Variants in PAX5 observed in about 807,000 individuals in gnomAD.
PAX5 encodes the protein paired box 5, also known as paired box protein Pax-5.
PAX5 carries 9 observed loss-of-function variants against 43.7 expected under a neutral mutation model. The ratio of observed to expected loss-of-function variants is 0.21; its 90% CI spans 0.12 to 0.36. The LOEUF (loss-of-function observed/expected upper bound fraction) is 0.36. PAX5 is among the 10% of genes least tolerant of loss of function. PAX5 has a pLI of 1.00. For missense variants in PAX5, 383 were observed against 532.7 expected (o/e 0.72, Z 2.77); for synonymous variants, 228 against 214.3 (o/e 1.06, Z -0.56).
At chr9:37,002,962 G>A in intron 4 of PAX5, 186 bp from the exon 5 acceptor site, 1 of 635,120 alleles carries the variant, frequency 1.6e-6, no homozygotes. Context: ...GGCGGGCCGT[G>A]TGCCCCAGTT....
intron 7 of PAX5, among the ~76,000 whole-genome samples, chr9:36,905,381 T>G (rs375313185): frequency 2.0e-5 from 3 of 152,234 alleles, no homozygotes; most frequent in African/African-American, 4.8e-5. Context: ...TAATTCCCAC[T>G]GGGCAGACGG....
intron 7 of PAX5, among the ~76,000 whole-genome samples, chr9:36,910,599 C>T (rs1829188772): frequency 6.6e-6 from 1 of 152,176 alleles, no homozygotes; most frequent in Non-Finnish European, 1.5e-5. Flanking sequence ...TTGGGCAGTG[C>T]CTGGTCTATG....
At chr9:36,861,826 C>T (rs1232686296) in intron 8 of PAX5, among the ~76,000 whole-genome samples, 3 of 151,946 alleles carry the variant, frequency 2.0e-5, no homozygotes, top group Non-Finnish European at 4.4e-5. Flanking sequence ...AGGGACGTGT[C>T]CTGACTCCAA....
chr9:36,986,091 G>C (rs1049776703), intron 5 of PAX5, among the ~76,000 whole-genome samples: 15 of 151,946 alleles, frequency 9.9e-5, no homozygotes, highest in Admixed American at 9.8e-4. Context: ...CCCGTCCGGC[G>C]CCCTCGCCCC....
intron 6 of PAX5, among the ~76,000 whole-genome samples, chr9:36,950,570 G>T (rs369627877): frequency 3.3e-5 from 5 of 152,040 alleles, no homozygotes; most frequent in Admixed American, 6.5e-5. Flanking sequence ...TAGGCAGCTC[G>T]CCTGCTTGGA....
rs10650417 is a variant in PAX5 at position 36,882,267 on chromosome 9, TACACACACAC to T, written c.911-172_911-163del. Among the ~76,000 whole-genome samples, 43 of 146,378 alleles carry T rather than the reference TACACACACAC, an allele frequency of 2.9e-4. No homozygotes were observed. Among genetic ancestry groups the T allele is most frequent in the Admixed American group, 3.4e-4 (5 of 14,646 alleles). On this transcript the variant is annotated intron_variant, in intron 7 of 9. Transcript: ENST00000358127. The surrounding 1 kb of genome is among the most constrained non-coding windows in gnomAD (Gnocchi z 4.4). The stretch of plus-strand genomic sequence containing the variant: ...GCTCACACGCTCTCACAAACACACA[TACACACACAC>T]ACACACACACACACACACTCATGCA...
At chr9:36,926,566 G>A (rs766778581) in intron 6 of PAX5, among the ~76,000 whole-genome samples, 1 of 152,164 alleles carries the variant, frequency 6.6e-6, no homozygotes, top group African/African-American at 2.4e-5. Context: ...AGAATGAATC[G>A]GGCATGAATT....
Position 36,882,112 on chromosome 9 carries a change from A to C in PAX5, c.911-7T>G. On this transcript the variant is annotated splice_polypyrimidine_tract_variant and splice_region_variant and intron_variant, in intron 7 of 9. Transcript: ENST00000358127. The surrounding 1 kb of genome is among the most constrained non-coding windows in gnomAD (Gnocchi z 4.4). ...GTGCTCGCCAAGTCACGGCCTGAGG[A>C]ATCAAAGCAACAAATCACAGGGTGA... 6.3e-7 allele frequency: 1 copy of C among 1,575,946 alleles called. No individual in the cohort carries two copies. Among genetic ancestry groups the C allele is most frequent in the Non-Finnish European group, 8.6e-7 (1 of 1,156,696 alleles).
chr9:36,936,473 C>T (rs1186340211), intron 6 of PAX5, among the ~76,000 whole-genome samples: 1 of 152,204 alleles, frequency 6.6e-6, no homozygotes, highest in African/African-American at 2.4e-5. Flanking sequence ...GCTCTTCCCA[C>T]TACATGGCTA....
At chr9:36,984,435 CTTTTTTT>C (rs10663927) in intron 5 of PAX5, among the ~76,000 whole-genome samples, 1 of 66,874 alleles carries the variant, frequency 1.5e-5, no homozygotes, top group South Asian at 7.1e-4. Context: ...TTGAACCTCT[CTTTTTTT>C]TTTTTTTTTT....
rs759191217 is a variant in PAX5, at chr9:36,923,397, C to T, written c.868G>A (p.Gly290Arg). 7 of 1,613,262 alleles carry T rather than the reference C, an allele frequency of 4.3e-6. No homozygotes were observed. Among genetic ancestry groups the T allele is most frequent in the African/African-American group, 2.7e-5 (2 of 74,926 alleles). Reference sequence around the variant, plus strand: ...GACTGCGGGCCTGGCACACTGCTCCCGATGTCAGCAGGGGTGGGGCTGGCC... The same window carrying T: ...GACTGCGGGCCTGGCACACTGCTCCTGATGTCAGCAGGGGTGGGGCTGGCC... ...NLASPTPADI[G>R]SSVPGPQSYP... Residue 290 changes from glycine to arginine, a missense_variant, in exon 7 of 10, where the codon GGG becomes AGG. Around this residue, in one of 5 missense-constraint regions of PAX5, gnomAD observed 291 missense variants for 342.5 expected, o/e 0.85. Transcript: ENST00000358127.
chr9:36,963,121 C>T (rs1409435291), intron 6 of PAX5, among the ~76,000 whole-genome samples: 1 of 152,266 alleles, frequency 6.6e-6, no homozygotes, highest in East Asian at 1.9e-4. Flanking sequence ...CGTCTCCTCA[C>T]CTTCCATCTC....
At position 36,862,975 on chromosome 9, in the gene PAX5, C is replaced by T. The variant is rs191794470; in HGVS notation, c.1013-16046G>A. Among the ~76,000 whole-genome samples, 209 of 152,284 alleles carry T rather than the reference C, an allele frequency of 1.4e-3. 1 individual carries two copies. Among genetic ancestry groups the T allele is most frequent in the Admixed American group, 0.011 (168 of 15,298 alleles). On this transcript the variant is annotated intron_variant, in intron 8 of 9. Transcript: ENST00000358127. ...AGGTTGTTCATTGCACCAGAGTCACCGGCTGACTGGACAAGTGGGGACTGA... is the reference window on the plus strand; with the variant it reads ...AGGTTGTTCATTGCACCAGAGTCACTGGCTGACTGGACAAGTGGGGACTGA...
At chr9:37,023,642 G>C (rs1466579714) in intron 1 of PAX5, among the ~76,000 whole-genome samples, 2 of 143,948 alleles carry the variant, frequency 1.4e-5, no homozygotes, top group African/African-American at 5.9e-5. Flanking sequence ...CTCAGGCCCT[G>C]ATAAGGTCAT....
intron 1 of PAX5, among the ~76,000 whole-genome samples, chr9:37,021,025 A>T (rs1341137150): frequency 6.6e-6 from 1 of 152,188 alleles, no homozygotes; most frequent in Non-Finnish European, 1.5e-5. Flanking sequence ...TGAGCTATTG[A>T]CAGCAAACAT....
At chr9:36,890,200 G>A (rs938517096) in intron 7 of PAX5, among the ~76,000 whole-genome samples, 1 of 152,016 alleles carries the variant, frequency 6.6e-6, no homozygotes, top group Non-Finnish European at 1.5e-5. Flanking sequence ...ACCTGACTGT[G>A]TGTGTGAGTG....
intron 1 of PAX5, among the ~76,000 whole-genome samples, chr9:37,033,735 T>G (rs1841239181): frequency 6.6e-6 from 1 of 152,234 alleles, no homozygotes; most frequent in South Asian, 2.1e-4. Context: ...GGCCCTAACT[T>G]GCAGACCCCC....
chr9:37,031,458 C>A (rs1840973607), intron 1 of PAX5, among the ~76,000 whole-genome samples: 1 of 152,026 alleles, frequency 6.6e-6, no homozygotes, highest in African/African-American at 2.4e-5. Flanking sequence ...GGAAAGTACT[C>A]AATCCATCCA....
intron 5 of PAX5, among the ~76,000 whole-genome samples, chr9:36,990,333 T>C (rs1311329925): frequency 1.3e-5 from 2 of 152,164 alleles, no homozygotes; most frequent in Non-Finnish European, 2.9e-5. Context: ...GTCTGACTCC[T>C]AGGTTGCAAA....
Sources: allele counts gnomAD v4.1 joint callset (sites outside exome capture counted in the v4.1 genomes callset), GRCh38; gene constraint gnomAD v4.1.1; regional missense constraint gnomAD v4.1.1; non-coding constraint Gnocchi (gnomAD v3.1); transcripts MANE v1.5; gene names NCBI Gene and HGNC (gene_info 2026-07-23, HGNC 2026-07-21).